The following FLRT2 variants were observed in gnomAD, a reference collection of about 807,000 sequenced individuals.
The protein encoded by FLRT2 is fibronectin leucine rich transmembrane protein 2.
In FLRT2, 15 loss-of-function variants were observed where a neutral mutation model predicts 40.0. The ratio of observed to expected loss-of-function variants is 0.38; its 90% CI spans 0.25 to 0.58. The LOEUF (loss-of-function observed/expected upper bound fraction) is 0.58, where lower values mean the gene tolerates loss of function less well. Among genes scored for constraint, FLRT2 ranks in the 20% least tolerant of loss-of-function variants. The pLI, the probability that FLRT2 is intolerant of heterozygous loss-of-function variation, is 0.71. For synonymous variants in FLRT2, 380 were observed against 336.8 expected (o/e 1.13, Z -1.41); for missense variants, 726 against 840.0 (o/e 0.86, Z 1.68).
intron 1 of FLRT2, among the ~76,000 whole-genome samples, chr14:85,562,388 C>T (rs1890388944): frequency 6.6e-6 from 1 of 152,166 alleles, no homozygotes; most frequent in African/African-American, 2.4e-5. Context: ...ATCAAGAAGA[C>T]CCGTGTTTCA....
rs576457044 is a variant in FLRT2 at position 85,650,935 on chromosome 14, C to A, written c.*27438C>A. 14 of 152,132 alleles carry A rather than the reference C, an allele frequency of 9.2e-5. No individual in the cohort carries two copies. Among genetic ancestry groups the A allele is most frequent in the African/African-American group, 3.4e-4 (14 of 41,522 alleles). The allele number at this position is 152,132 out of a possible 1,614,324, so 9.4% of individuals were successfully genotyped here. On this transcript the variant is annotated 3_prime_UTR_variant, in exon 2 of 2. Coordinates refer to ENST00000330753, the MANE Select transcript of FLRT2 (RefSeq NM_013231.6). ...GATCTTAGCTTACTGTAGACTCCAACTCCTGGGCTCAAGAGATACTCTCCT... is the reference window on the plus strand; with the variant it reads ...GATCTTAGCTTACTGTAGACTCCAAATCCTGGGCTCAAGAGATACTCTCCT...
In FLRT2 at chr14:85,627,252, A is replaced by G. The variant is rs1893724408; in HGVS notation, c.*3755A>G. On this transcript the variant is annotated 3_prime_UTR_variant, in exon 2 of 2. Transcript: ENST00000330753. The stretch of plus-strand genomic sequence containing the variant: ...CCCCAAATGGAAAAAAGATACTCAC[A>G]CAGAACAAAACAGTTCTTGGTCTTG... 6.0e-6 allele frequency: 1 copy of G among 167,114 alleles called. No individual in the cohort carries two copies. Among genetic ancestry groups the G allele is most frequent in the Non-Finnish European group, 1.5e-5 (1 of 68,130 alleles). 10.4% of individuals were successfully genotyped at this position (167,114 alleles called of 1,614,324 possible).
Position 85,652,476 on chromosome 14 carries a change from T to C in FLRT2, c.*28979T>C, listed in dbSNP as rs1894456073. The stretch of plus-strand genomic sequence containing the variant: ...TGTTTGTTGCCATAGGAAAATTCTT[T>C]TTTGAGAATTTTTTTCTTATAACGT... On this transcript the variant is annotated 3_prime_UTR_variant, in exon 2 of 2. Coordinates refer to ENST00000330753, the MANE Select transcript of FLRT2 (RefSeq NM_013231.6). 6.6e-6 allele frequency: 1 copy of C among 152,098 alleles called. No homozygotes were observed. Among genetic ancestry groups the C allele is most frequent in the East Asian group, 1.9e-4 (1 of 5,190 alleles). The allele number at this position is 152,098 out of a possible 1,614,324, so 9.4% of individuals were successfully genotyped here.
chr14:85,583,129 A>G (rs1490759562), intron 1 of FLRT2, among the ~76,000 whole-genome samples: 2 of 152,144 alleles, frequency 1.3e-5, no homozygotes, highest in Non-Finnish European at 2.9e-5. Flanking sequence ...GTTGAAAGAT[A>G]ATCTTTATAG....
Position 85,622,733 on chromosome 14 carries a change from A to G in FLRT2, c.1219A>G (p.Thr407Ala), listed in dbSNP as rs1158524247. The G allele has an allele frequency of 1.2e-6, 2 of 1,614,006 alleles. No homozygotes were observed. The highest frequency in any genetic ancestry group is 1.7e-6 in the Non-Finnish European group (2 of 1,179,998). The part of the protein sequence containing the change: ...PPTPTTSKLP[T>A]IPDWDGRERV... ...AACTCCTACCACATCGAAACTTCCC[A>G]CGATTCCTGACTGGGATGGCAGAGA... Residue 407 changes from threonine (T) to alanine (A), a missense_variant, in exon 2 of 2, where the codon ACG becomes GCG. Physicochemically the swap from Thr to Ala is moderately conservative, Grantham distance 58. This residue lies in a region of FLRT2 where 611 missense variants were observed against 690.0 expected (regional missense o/e 0.89). Transcript: ENST00000330753.
intron 1 of FLRT2, among the ~76,000 whole-genome samples, chr14:85,535,152 C>T (rs1485145828): frequency 2.0e-5 from 3 of 152,188 alleles, no homozygotes; most frequent in Admixed American, 6.5e-5. Flanking sequence ...GCTCCCCACT[C>T]AGCTGGGAGG....
rs1234138330 is a variant in FLRT2 at position 85,645,883 on chromosome 14, A to G, written c.*22386A>G. ...GAGTACCTAAGAGCCCAATTCTGAT[A>G]CTCTCATATTGCACTATTCACTAGG... On this transcript the variant is annotated 3_prime_UTR_variant, in exon 2 of 2. Transcript: ENST00000330753. The G allele has an allele frequency of 1.3e-5, 2 of 151,976 alleles. No individual in the cohort carries two copies. The highest frequency in any genetic ancestry group is 4.8e-5 in the African/African-American group (2 of 41,376). 9.4% of individuals were successfully genotyped at this position (151,976 alleles called of 1,614,324 possible).
rs967675411 is a variant in FLRT2 at position 85,633,312 on chromosome 14, T to A, written c.*9815T>A. On this transcript the variant is annotated 3_prime_UTR_variant, in exon 2 of 2. Transcript: ENST00000330753. ...CCATGGCAGGCCTTTTTTCTCATGG[T>A]GTGTGGGATCATTGAACAACATGGT... The A allele has an allele frequency of 2.6e-5, 4 of 152,104 alleles. No homozygotes were observed. Among genetic ancestry groups the A allele is most frequent in the Non-Finnish European group, 5.9e-5 (4 of 68,028 alleles). 9.4% of individuals were successfully genotyped at this position (152,104 alleles called of 1,614,324 possible). A position where few individuals can be genotyped will look rare whatever the true frequency, so the allele number is the denominator to read the frequency against.
chr14:85,618,562 G>A (rs1345421843), intron 1 of FLRT2, among the ~76,000 whole-genome samples: 1 of 152,096 alleles, frequency 6.6e-6, no homozygotes, highest in Non-Finnish European at 1.5e-5. Context: ...TTAAGGCCAA[G>A]TGTCGTACAT....
chr14:85,541,350 CCA>C (rs1888974755), intron 1 of FLRT2, among the ~76,000 whole-genome samples: 1 of 152,118 alleles, frequency 6.6e-6, no homozygotes, highest in Non-Finnish European at 1.5e-5. Flanking sequence ...CATGATCCCT[CCA>C]CTTGAGGCCA....
At position 85,636,401 on chromosome 14, in the gene FLRT2, A is replaced by AAAAC. The variant is rs1566772344; in HGVS notation, c.*12907_*12908insCAAA. On this transcript the variant is annotated 3_prime_UTR_variant, in exon 2 of 2. Transcript: ENST00000330753. Reference sequence around the variant, plus strand: ...TGAAGTCACCTGCAGAAAAAAAAAAAAAAAAAACAAAAAACATTCTTATTA... The same window carrying AAAAC: ...TGAAGTCACCTGCAGAAAAAAAAAAAAAACAAAAAAACAAAAAACATTCTTATTA... 1.4e-5 allele frequency: 2 copies of AAAAC among 147,080 alleles called. No homozygotes were observed. Among genetic ancestry groups the AAAAC allele is most frequent in the African/African-American group, 5.0e-5 (2 of 40,284 alleles). 9.1% of individuals were successfully genotyped at this position (147,080 alleles called of 1,614,324 possible).
intron 1 of FLRT2, among the ~76,000 whole-genome samples, chr14:85,552,268 C>G (rs1265450933): frequency 6.6e-6 from 1 of 152,092 alleles, no homozygotes; most frequent in Non-Finnish European, 1.5e-5. Context: ...TTTGTAGGTA[C>G]CTTCGCTGCT....
chr14:85,533,016 C>T (rs1465906180), intron 1 of FLRT2, among the ~76,000 whole-genome samples: 7 of 152,176 alleles, frequency 4.6e-5, no homozygotes, highest in African/African-American at 1.7e-4. Flanking sequence ...GTTAGCCAGG[C>T]GCTCTTCAAC....
In FLRT2 at chr14:85,627,493, C is replaced by A. The variant is rs1458578516; in HGVS notation, c.*3996C>A. ...TTTTTTTACTATAGTTTTTTGTTTT[C>A]TACCTGCACACCCACCAGAAGAGCA... On this transcript the variant is annotated 3_prime_UTR_variant, in exon 2 of 2. Coordinates refer to ENST00000330753, the MANE Select transcript of FLRT2 (RefSeq NM_013231.6). 6.0e-6 allele frequency: 1 copy of A among 166,770 alleles called. No homozygotes were observed. Among genetic ancestry groups the A allele is most frequent in the Non-Finnish European group, 1.5e-5 (1 of 68,050 alleles). The allele number at this position is 166,770 out of a possible 1,614,324, so 10.3% of individuals were successfully genotyped here. A position where few individuals can be genotyped will look rare whatever the true frequency, so the allele number is the denominator to read the frequency against.
rs1894140737 is a variant in FLRT2 at position 85,641,181 on chromosome 14, G to A, written c.*17684G>A. ...TCCAAAGACTGAAGAAGAGAGCATG[G>A]TGTTTAATGCCAGGGTGGAAAGCTG... On this transcript the variant is annotated 3_prime_UTR_variant, in exon 2 of 2. Transcript: ENST00000330753. The A allele has an allele frequency of 6.6e-6, 1 of 152,202 alleles. No individual in the cohort carries two copies. Among genetic ancestry groups the A allele is most frequent in the African/African-American group, 2.4e-5 (1 of 41,440 alleles). The allele number at this position is 152,202 out of a possible 1,614,324, so 9.4% of individuals were successfully genotyped here. A position where few individuals can be genotyped will look rare whatever the true frequency, so the allele number is the denominator to read the frequency against.
intron 1 of FLRT2, among the ~76,000 whole-genome samples, chr14:85,606,931 A>T (rs1892648373): frequency 6.7e-6 from 1 of 148,938 alleles, no homozygotes; most frequent in Admixed American, 6.7e-5. Context: ...TCCGAAGGAG[A>T]TTGCCTAGAT....
Position 85,631,572 on chromosome 14 carries a change from C to G in FLRT2, c.*8075C>G, listed in dbSNP as rs1893874496. 2 of 152,162 alleles carry G rather than the reference C, an allele frequency of 1.3e-5. No homozygotes were observed. 9.4% of individuals were successfully genotyped at this position (152,162 alleles called of 1,614,324 possible). On this transcript the variant is annotated 3_prime_UTR_variant, in exon 2 of 2. Coordinates refer to ENST00000330753, the MANE Select transcript of FLRT2 (RefSeq NM_013231.6). ...CTTTTTTTAATAGCCCCAGAAAGAG[C>G]TGTGGAGTTCTGACTTGTGCAAAAT...
Position 85,642,632 on chromosome 14 carries a change from G to A in FLRT2, c.*19135G>A, listed in dbSNP as rs1894178022. ...CTATGTATGGCAACAGACTCAAAGG[G>A]AGGTACACCAGGTAGGAAAAATCAT... On this transcript the variant is annotated 3_prime_UTR_variant, in exon 2 of 2. Transcript: ENST00000330753. The A allele has an allele frequency of 6.6e-6, 1 of 152,146 alleles. No homozygotes were observed. Among genetic ancestry groups the A allele is most frequent in the Non-Finnish European group, 1.5e-5 (1 of 68,028 alleles). 9.4% of individuals were successfully genotyped at this position (152,146 alleles called of 1,614,324 possible). A position where few individuals can be genotyped will look rare whatever the true frequency, so the allele number is the denominator to read the frequency against.
intron 1 of FLRT2, among the ~76,000 whole-genome samples, chr14:85,575,512 G>A (rs1891091083): frequency 6.6e-6 from 1 of 152,170 alleles, no homozygotes; most frequent in East Asian, 1.9e-4. Context: ...ACAGTTGTCT[G>A]TGTTGGGTCA....
Sources: allele counts gnomAD v4.1 joint callset (sites outside exome capture counted in the v4.1 genomes callset), GRCh38; gene constraint gnomAD v4.1.1; regional missense constraint gnomAD v4.1.1; transcripts MANE v1.5; gene names NCBI Gene and HGNC (gene_info 2026-07-23, HGNC 2026-07-21).